The following WWOX variants were observed in gnomAD, a reference collection of about 807,000 sequenced individuals.
WWOX encodes the protein WW domain containing oxidoreductase.
WWOX carries 69 observed loss-of-function variants against 46.2 expected under a neutral mutation model. The ratio of observed to expected loss-of-function variants is 1.49; its 90% CI spans 1.23 to 1.82. The LOEUF is 1.82. WWOX is among the 40% of genes most tolerant of loss of function. The pLI is 0.00. For missense variants in WWOX, 919 were observed against 542.6 expected (o/e 1.69, Z -6.89); for synonymous variants, 359 against 202.6 (o/e 1.77, Z -6.56).
At chr16:78,204,535 C>T (rs1302598363) in intron 5 of WWOX, among the ~76,000 whole-genome samples, 1 of 152,022 alleles carries the variant, frequency 6.6e-6, no homozygotes, top group Non-Finnish European at 1.5e-5. Flanking sequence ...ACCCATTGAC[C>T]ATCCCCACCT....
At chr16:78,993,726 C>T (rs2046934020) in intron 8 of WWOX, among the ~76,000 whole-genome samples, 1 of 152,214 alleles carries the variant, frequency 6.6e-6, no homozygotes, top group African/African-American at 2.4e-5. Context: ...AGCAATCTGC[C>T]TGGTGCTAAT....
chr16:78,997,073 G>A (rs2047004723), intron 8 of WWOX, among the ~76,000 whole-genome samples: 1 of 152,010 alleles, frequency 6.6e-6, no homozygotes, highest in South Asian at 2.1e-4. Flanking sequence ...GATTCCAAAG[G>A]CATCATACCA....
intron 8 of WWOX, among the ~76,000 whole-genome samples, chr16:78,622,350 C>T (rs2046210000): frequency 1.3e-5 from 2 of 152,024 alleles, no homozygotes; most frequent in Non-Finnish European, 2.9e-5. Flanking sequence ...TGAGACCAGC[C>T]TGGCCAACAT....
intron 5 of WWOX, among the ~76,000 whole-genome samples, chr16:78,326,136 C>G (rs147189014): frequency 1.1e-4 from 17 of 152,284 alleles, no homozygotes; most frequent in African/African-American, 4.1e-4. Context: ...AAACTTTGTA[C>G]TCAACCATTA....
intron 1 of WWOX, among the ~76,000 whole-genome samples, chr16:78,107,774 A>G (rs772678365): frequency 2.6e-5 from 4 of 152,194 alleles, no homozygotes; most frequent in Non-Finnish European, 4.4e-5. Flanking sequence ...GTTCCAGTCC[A>G]GCCTGGGCAA....
chr16:78,115,516 A>T (rs1484272017), intron 4 of WWOX, among the ~76,000 whole-genome samples: 1 of 152,208 alleles, frequency 6.6e-6, no homozygotes, highest in African/African-American at 2.4e-5. Flanking sequence ...GTAATAGAAT[A>T]CGGGGAACAA....
chr16:78,627,039 TC>T (rs905070052), intron 8 of WWOX, among the ~76,000 whole-genome samples: 7 of 152,004 alleles, frequency 4.6e-5, no homozygotes, highest in African/African-American at 1.4e-4. Context: ...TCTTCCCTCT[TC>T]CCCCCACCTC....
chr16:78,355,916 C>T (rs1166100246), intron 5 of WWOX: 4 of 335,410 alleles, frequency 1.2e-5, no homozygotes, highest in African/African-American at 4.5e-5. Context: ...AAAAGAGAAA[C>T]CCGCATACAT....
At chr16:78,573,067 C>G (rs1643582966) in intron 8 of WWOX, among the ~76,000 whole-genome samples, 2 of 152,152 alleles carry the variant, frequency 1.3e-5, no homozygotes, top group Admixed American at 1.3e-4. Flanking sequence ...GCAGGCGGAT[C>G]ACGAGGTCAG....
At chr16:79,124,558 C>G (rs377619124) in intron 8 of WWOX, among the ~76,000 whole-genome samples, 1 of 152,090 alleles carries the variant, frequency 6.6e-6, no homozygotes, top group Non-Finnish European at 1.5e-5. Flanking sequence ...TTGTTATACC[C>G]GAAGTGCATT....
At chr16:78,564,681 A>T (rs1449214590) in intron 8 of WWOX, among the ~76,000 whole-genome samples, 1 of 152,216 alleles carries the variant, frequency 6.6e-6, no homozygotes, top group Non-Finnish European at 1.5e-5. Flanking sequence ...GAGCTCAAAA[A>T]TAAATTTCTG....
At chr16:78,334,829 C>G (rs62034405) in intron 5 of WWOX, among the ~76,000 whole-genome samples, 2 of 129,646 alleles carry the variant, frequency 1.5e-5, no homozygotes, top group African/African-American at 6.1e-5. Flanking sequence ...CACACACACA[C>G]ACATACACAC....
rs1285993298 is a variant in WWOX at position 78,630,936 on chromosome 16, G to A, written c.1056+198184G>A. Among the ~76,000 whole-genome samples the A allele has an allele frequency of 7.2e-5, 11 of 152,224 alleles. No homozygotes were observed. The East Asian group carries it at 7.7e-4, about 11-fold the overall frequency. On this transcript the variant is annotated intron_variant, in intron 8 of 8. Coordinates refer to ENST00000566780, the MANE Select transcript of WWOX (RefSeq NM_016373.4). Reference sequence around the variant, plus strand: ...AACTAATGACAGATTAAAAGCATTCGAACAAACGGAGGGTGGTATCTGTAC... The same window carrying A: ...AACTAATGACAGATTAAAAGCATTCAAACAAACGGAGGGTGGTATCTGTAC...
intron 8 of WWOX, among the ~76,000 whole-genome samples, chr16:78,565,581 C>T (rs2044545194): frequency 6.6e-6 from 1 of 152,188 alleles, no homozygotes. Flanking sequence ...CTTGGATAAT[C>T]ACTCCATCTC....
At chr16:78,494,483 C>A (rs79757057) in intron 8 of WWOX, among the ~76,000 whole-genome samples, 7 of 151,994 alleles carry the variant, frequency 4.6e-5, no homozygotes, top group Non-Finnish European at 8.8e-5. Flanking sequence ...GATACAAACA[C>A]AAGCATTAAG....
chr16:78,894,367 C>T (rs1247826237), intron 8 of WWOX, among the ~76,000 whole-genome samples: 2 of 152,152 alleles, frequency 1.3e-5, no homozygotes, highest in South Asian at 2.1e-4. Context: ...GATACACCTC[C>T]AAGTATAATA....
At chr16:78,240,766 T>C (rs1178046116) in intron 5 of WWOX, among the ~76,000 whole-genome samples, 1 of 152,180 alleles carries the variant, frequency 6.6e-6, no homozygotes, top group Non-Finnish European at 1.5e-5. Flanking sequence ...AGGGCCAGGC[T>C]GGGCCAGGCA....
At chr16:78,502,892 C>A (rs997282255) in intron 8 of WWOX, among the ~76,000 whole-genome samples, 1 of 152,076 alleles carries the variant, frequency 6.6e-6, no homozygotes. Flanking sequence ...AAGGCAATGG[C>A]GTTTTCTATT....
At chr16:78,721,102 C>G (rs1336312338) in intron 8 of WWOX, among the ~76,000 whole-genome samples, 1 of 152,174 alleles carries the variant, frequency 6.6e-6, no homozygotes. Flanking sequence ...ATATAAATCT[C>G]TTAGCCCAGA....
Sources: allele counts gnomAD v4.1 joint callset (sites outside exome capture counted in the v4.1 genomes callset), GRCh38; gene constraint gnomAD v4.1.1; transcripts MANE v1.5; gene names NCBI Gene and HGNC (gene_info 2026-07-23, HGNC 2026-07-21).